IGF1R: variants seen among roughly 807,000 people sequenced by gnomAD.
The protein encoded by IGF1R is insulin like growth factor 1 receptor.
In IGF1R, 44 loss-of-function variants were observed where a neutral mutation model predicts 144.6. That is an observed-to-expected ratio of 0.30 (90% CI 0.24 to 0.39). IGF1R has a LOEUF of 0.39. IGF1R is among the 10% of genes least tolerant of loss of function. IGF1R has a pLI of 1.00. For missense variants in IGF1R, 1,355 were observed against 1,833.7 expected, an observed-to-expected ratio of 0.74 and a Z score of 4.77; for synonymous variants, 795 against 722.8, an observed-to-expected ratio of 1.10 and a Z score of -1.60.
intron 2 of IGF1R, among the ~76,000 whole-genome samples, chr15:98,765,492 C>CT (rs1170291412): frequency 1.3e-5 from 2 of 151,306 alleles, no homozygotes; most frequent in Non-Finnish European, 2.9e-5. Context: ...TTTCTTTTCT[C>CT]TTTTTTGTTT....
At chr15:98,845,257 T>C (rs1046891589) in intron 2 of IGF1R, among the ~76,000 whole-genome samples, 3 of 152,216 alleles carry the variant, frequency 2.0e-5, no homozygotes, top group African/African-American at 7.2e-5. Flanking sequence ...TTAGTTTTCA[T>C]TTACCCTGGA....
At chr15:98,797,209 C>G (rs1482004714) in intron 2 of IGF1R, among the ~76,000 whole-genome samples, 1 of 152,156 alleles carries the variant, frequency 6.6e-6, no homozygotes, top group Non-Finnish European at 1.5e-5. Context: ...AGGAAGTCAC[C>G]TGATGTCCAT....
At chr15:98,763,323 T>C (rs2043517051) in intron 2 of IGF1R, among the ~76,000 whole-genome samples, 2 of 152,346 alleles carry the variant, frequency 1.3e-5, no homozygotes, top group African/African-American at 4.8e-5. Flanking sequence ...CCTTCCACTT[T>C]CCTTTTGTTA....
At chr15:98,954,770 A>G (rs1334014752) in intron 20 of IGF1R, among the ~76,000 whole-genome samples, 1 of 152,170 alleles carries the variant, frequency 6.6e-6, no homozygotes, top group Non-Finnish European at 1.5e-5. Flanking sequence ...GTTATGGCCT[A>G]TTTTAATTTT....
At chr15:98,705,654 C>T (rs1169774054) in intron 1 of IGF1R, among the ~76,000 whole-genome samples, 1 of 152,206 alleles carries the variant, frequency 6.6e-6, no homozygotes, top group African/African-American at 2.4e-5. Context: ...TTCCTCTTCT[C>T]TTCGCTATCT....
chr15:98,809,607 A>G (rs1366016678), intron 2 of IGF1R, among the ~76,000 whole-genome samples: 2 of 152,212 alleles, frequency 1.3e-5, no homozygotes, highest in African/African-American at 4.8e-5. Flanking sequence ...ATCCTGTGTA[A>G]ATAGTCTTGA....
At position 98,727,025 on chromosome 15, in the gene IGF1R, G is replaced by A. The variant is rs1339840341; in HGVS notation, c.640+18918G>A. 2.6e-5 allele frequency among the ~76,000 whole-genome samples: 4 copies of A among 152,116 alleles called. No individual in the cohort carries two copies. The East Asian group carries it at 7.7e-4, about 29-fold the overall frequency. Reference sequence around the variant, plus strand: ...TGTGAGCCGCCACACCTGGCCTGATGAATTATTTTCATGTGTGGAACAAAA... The same window carrying A: ...TGTGAGCCGCCACACCTGGCCTGATAAATTATTTTCATGTGTGGAACAAAA... On this transcript the variant is annotated intron_variant, in intron 2 of 20. Coordinates refer to ENST00000650285, the MANE Select transcript of IGF1R (RefSeq NM_000875.5).
At chr15:98,938,854 T>A (rs548453905) in intron 17 of IGF1R, among the ~76,000 whole-genome samples, 1 of 152,284 alleles carries the variant, frequency 6.6e-6, no homozygotes, top group African/African-American at 2.4e-5. Flanking sequence ...TATAAACAAA[T>A]AGGAATTTGA....
At chr15:98,796,916 T>G (rs546962375) in intron 2 of IGF1R, among the ~76,000 whole-genome samples, 20 of 152,328 alleles carry the variant, frequency 1.3e-4, no homozygotes, top group Admixed American at 3.9e-4. Context: ...TCGCGACTCC[T>G]GTTGGCTTGT....
intron 5 of IGF1R, among the ~76,000 whole-genome samples, chr15:98,905,557 G>A (rs2014691921): frequency 6.6e-6 from 1 of 151,958 alleles, no homozygotes; most frequent in East Asian, 1.9e-4. Flanking sequence ...CCAGCTACTT[G>A]GGAGGCTGAG....
At chr15:98,692,372 T>C (rs1446509065) in intron 1 of IGF1R, among the ~76,000 whole-genome samples, 1 of 152,108 alleles carries the variant, frequency 6.6e-6, no homozygotes, top group Non-Finnish European at 1.5e-5. Context: ...AGATAGGGTC[T>C]TGCTCTGTTC....
rs2017113163 is a variant in IGF1R, at chr15:98,958,801, C to T, written c.*1359C>T. ...TCCCCTTTCTGCTCACTCCAAGAAA[C>T]TTCTTATGCTTTGTACTAGAGTGCG... On this transcript the variant is annotated 3_prime_UTR_variant, in exon 21 of 21. Coordinates refer to ENST00000650285, the MANE Select transcript of IGF1R (RefSeq NM_000875.5). The T allele has an allele frequency of 1.3e-5, 3 of 233,114 alleles. No homozygotes were observed. The East Asian group carries it at 1.8e-4, about 14-fold the overall frequency. The allele number at this position is 233,114 out of a possible 1,614,324, so 14.4% of individuals were successfully genotyped here.
At chr15:98,733,248 C>T (rs2054535576) in intron 2 of IGF1R, among the ~76,000 whole-genome samples, 1 of 152,094 alleles carries the variant, frequency 6.6e-6, no homozygotes, top group Non-Finnish European at 1.5e-5. Flanking sequence ...CAGTCTTGCT[C>T]TGTTGCCCAG....
At chr15:98,882,846 A>C (rs796938245) in intron 2 of IGF1R, among the ~76,000 whole-genome samples, 8 of 152,246 alleles carry the variant, frequency 5.3e-5, no homozygotes, top group African/African-American at 1.9e-4. Flanking sequence ...CTTGGGAGAA[A>C]ATGAGAGCTT....
At chr15:98,949,574 T>C (rs1269875249) in intron 20 of IGF1R, among the ~76,000 whole-genome samples, 1 of 152,166 alleles carries the variant, frequency 6.6e-6, no homozygotes, top group African/African-American at 2.4e-5. Context: ...TTTTACCATA[T>C]TGGCCAGGCT....
intron 17 of IGF1R, among the ~76,000 whole-genome samples, chr15:98,936,813 TC>T (rs1258756454): frequency 6.6e-6 from 1 of 152,124 alleles, no homozygotes; most frequent in Non-Finnish European, 1.5e-5. Flanking sequence ...CAAGCATTGG[TC>T]CCCAGCACCC....
chr15:98,743,572 T>TGTGGAAAGGGTTTGGG (rs1226754780), intron 2 of IGF1R, among the ~76,000 whole-genome samples: 3 of 151,982 alleles, frequency 2.0e-5, no homozygotes, highest in Non-Finnish European at 4.4e-5. Context: ...AAAGAAATAA[T>TGTGGAAAGGGTTTGGG]GTGGAAAGGG....
At chr15:98,728,245 C>A (rs1003408029) in intron 2 of IGF1R, among the ~76,000 whole-genome samples, 2 of 152,094 alleles carry the variant, frequency 1.3e-5, no homozygotes, top group African/African-American at 4.8e-5. Context: ...GAAATCACGC[C>A]TGTTGTTGCC....
intron 18 of IGF1R, 86 bp from the exon 19 acceptor site, chr15:98,942,837 C>T: frequency 6.4e-7 from 1 of 1,565,174 alleles, no homozygotes; most frequent in Non-Finnish European, 8.8e-7. Flanking sequence ...TGCGTCTCTC[C>T]ACACATAATG....
Sources: gnomAD v4.1 joint callset for allele counts (sites outside exome capture counted in the v4.1 genomes callset) on GRCh38, gnomAD v4.1.1 for gene constraint, MANE v1.5 for transcripts, NCBI Gene and HGNC (gene_info 2026-07-23, HGNC 2026-07-21) for gene names.